MROH1: variants seen among roughly 807,000 people sequenced by gnomAD.
The protein encoded by MROH1 is maestro heat-like repeat-containing protein family member 1.
Under a neutral mutation model 116.5 loss-of-function variants are expected in MROH1, and 117 were observed. The ratio of observed to expected loss-of-function variants is 1.00; its 90% confidence interval spans 0.86 to 1.17. The LOEUF (loss-of-function observed/expected upper bound fraction) is 1.17. Ranked by LOEUF, MROH1 falls within the 50% of genes most tolerant of loss-of-function variation. The pLI is 0.00. For missense variants in MROH1, 1,873 were observed against 1,338.5 expected (o/e 1.40, Z -6.23); for synonymous variants, 921 against 583.9 (o/e 1.58, Z -8.32).
In MROH1 at chr8:144,244,277, C is replaced by T. The variant is rs1342547280; in HGVS notation, c.2611C>T (p.Leu871=). Residue 871 remains leucine (L), a synonymous_variant, in exon 27 of 44, where the codon CTG becomes TTG. Coordinates refer to ENST00000326134, the MANE Select transcript of MROH1 (RefSeq NM_032450.3). ...CCGGGCGGATGTGATCCATGGCTGC[C>T]TGCACAGCATCATGGCCCTGCTGCC... ...QARADVIHGC[L]HSIMALLPEP... is the part of the protein sequence containing the mutation. The T allele has an allele frequency of 8.3e-6, 6 of 718,966 alleles. No individual in the cohort carries two copies. The African/African-American group carries it at 1.0e-4, about 13-fold the overall frequency. The allele number at this position is 718,966 out of a possible 1,614,324, so 44.5% of individuals were successfully genotyped here.
intron 35 of MROH1, among the ~76,000 whole-genome samples, chr8:144,258,426 T>C (rs1416459192): frequency 6.6e-6 from 1 of 151,868 alleles, no homozygotes; most frequent in East Asian, 1.9e-4. Flanking sequence ...AGGCCCGGGG[T>C]GGGGGGCACC....
At chr8:144,218,382 C>G (rs1020529431) in intron 12 of MROH1, among the ~76,000 whole-genome samples, 2 of 152,034 alleles carry the variant, frequency 1.3e-5, no homozygotes, top group African/African-American at 4.8e-5. Flanking sequence ...GGTTTTGCAC[C>G]GGACTCCTGC....
chr8:144,213,450 A>C (rs939921592), intron 12 of MROH1: 17 of 213,134 alleles, frequency 8.0e-5, no homozygotes, highest in African/African-American at 3.7e-4. Context: ...AAAACAAATA[A>C]ACAGGATGCC....
At position 144,236,896 on chromosome 8, in the gene MROH1, C is replaced by CTTT. The variant is rs1164804321; in HGVS notation, c.1339-1835_1339-1833dup. ...TGTTGTGACAGAGCCTCTCCTATTC[C>CTTT]TTTTTTTTTTTTTTTTTTTTTTTTT... On this transcript the variant is annotated intron_variant, in intron 14 of 43. Transcript: ENST00000326134. 4.9e-4 allele frequency among the ~76,000 whole-genome samples: 34 copies of CTTT among 69,320 alleles called. 8 individuals are homozygous for CTTT. The highest frequency in any genetic ancestry group is 1.7e-3 in the African/African-American group (29 of 16,926). The allele number at this position is 69,320 out of a possible 152,430, so 45.5% of individuals were successfully genotyped here.
chr8:144,219,292 G>A (rs1165455016), intron 12 of MROH1, among the ~76,000 whole-genome samples: 2 of 152,112 alleles, frequency 1.3e-5, no homozygotes, highest in East Asian at 3.9e-4. Context: ...AGAGTGCTGG[G>A]ATTACAGGCG....
At chr8:144,261,540 C>T in intron 43 of MROH1, 115 bp from the exon 44 acceptor site, 1 of 689,986 alleles carries the variant, frequency 1.4e-6, no homozygotes, top group Non-Finnish European at 2.6e-6. Flanking sequence ...GAAAAACGAT[C>T]TTTCCGTTGG....
chr8:144,218,942 C>G (rs988128676), intron 12 of MROH1, among the ~76,000 whole-genome samples: 3 of 129,852 alleles, frequency 2.3e-5, no homozygotes, highest in African/African-American at 6.0e-5. Context: ...TCAAGCGATT[C>G]TTGTGCCTCG....
intron 28 of MROH1, 67 bp downstream of exon 28, chr8:144,244,606 G>A (rs985393557): frequency 5.7e-5 from 41 of 715,908 alleles, no homozygotes; most frequent in African/African-American, 4.9e-4. Context: ...CTGGCTGCTG[G>A]CCCTCTCTCC....
chr8:144,181,795 GC>G (rs1825785956), intron 7 of MROH1, among the ~76,000 whole-genome samples: 1 of 152,112 alleles, frequency 6.6e-6, no homozygotes, highest in South Asian at 2.1e-4. Flanking sequence ...ACAGAACGGG[GC>G]CGCTGGGGCG....
Position 144,197,224 on chromosome 8 carries a change from C to T in MROH1, c.949-1898C>T, listed in dbSNP as rs942296853. Reference sequence around the variant, plus strand: ...ACCCATTCATGCGGTCTGCCTGGGCCGTGCCATCTGAAGGCTCTACTGGGG... The same window carrying T: ...ACCCATTCATGCGGTCTGCCTGGGCTGTGCCATCTGAAGGCTCTACTGGGG... On this transcript the variant is annotated intron_variant, in intron 10 of 43. Transcript: ENST00000326134. 3.9e-5 allele frequency among the ~76,000 whole-genome samples: 6 copies of T among 152,180 alleles called. No individual in the cohort carries two copies. The South Asian group carries it at 6.2e-4, about 16-fold the overall frequency.
intron 1 of MROH1, among the ~76,000 whole-genome samples, chr8:144,153,520 C>T (rs1245579525): frequency 1.3e-5 from 2 of 152,094 alleles, no homozygotes; most frequent in African/African-American, 4.8e-5. Flanking sequence ...CTGAATAATA[C>T]TCCATTGTGA....
Position 144,180,004 on chromosome 8 carries a change from G to A in MROH1, c.301-174G>A, listed in dbSNP as rs373122865. On this transcript the variant is annotated intron_variant, in intron 5 of 43. Coordinates refer to ENST00000326134, the MANE Select transcript of MROH1 (RefSeq NM_032450.3). The surrounding 1 kb of genome is among the most constrained non-coding windows in gnomAD (Gnocchi z 7.4). ...CTCACCAGGGCTCTGCTGCTCCTGC[G>A]TGTGGGGTCTCCTCAGCAGCCCCTC... 3.3e-3 allele frequency among the ~76,000 whole-genome samples: 108 copies of A among 33,086 alleles called. No individual in the cohort carries two copies. Among genetic ancestry groups the A allele is most frequent in the African/African-American group, 5.2e-3 (100 of 19,388 alleles). 21.7% of individuals were successfully genotyped at this position (33,086 alleles called of 152,430 possible). A position where few individuals can be genotyped will look rare whatever the true frequency, so the allele number is the denominator to read the frequency against.
intron 29 of MROH1, among the ~76,000 whole-genome samples, chr8:144,246,764 G>C (rs1015745513): frequency 8.5e-5 from 13 of 152,222 alleles, no homozygotes; most frequent in Non-Finnish European, 1.6e-4. Flanking sequence ...CAGGTGGTGG[G>C]AGGGGGACAG....
At chr8:144,219,416 C>A (rs1199032089) in intron 12 of MROH1, among the ~76,000 whole-genome samples, 1 of 152,128 alleles carries the variant, frequency 6.6e-6, no homozygotes, top group Non-Finnish European at 1.5e-5. Context: ...CCTTGGCCTC[C>A]CAAAGTGCTG....
At chr8:144,159,196 A>G (rs1343626120) in intron 1 of MROH1, among the ~76,000 whole-genome samples, 2 of 152,142 alleles carry the variant, frequency 1.3e-5, no homozygotes, top group Admixed American at 6.6e-5. Flanking sequence ...CATCTCTACT[A>G]AAAATACAAA....
intron 12 of MROH1, among the ~76,000 whole-genome samples, chr8:144,206,804 A>C (rs1034232064): frequency 6.6e-6 from 1 of 150,772 alleles, no homozygotes; most frequent in Non-Finnish European, 1.5e-5. Flanking sequence ...AGGCCGAGGC[A>C]GGTGGATCAC....
chr8:144,209,277 A>C (rs1833561593), intron 12 of MROH1, among the ~76,000 whole-genome samples: 4 of 151,966 alleles, frequency 2.6e-5, no homozygotes, highest in African/African-American at 9.7e-5. Context: ...GTTCATCCCC[A>C]TTGAAAAATC....
intron 4 of MROH1, among the ~76,000 whole-genome samples, chr8:144,176,400 G>C (rs1338063529): frequency 6.6e-6 from 1 of 151,606 alleles, no homozygotes; most frequent in African/African-American, 2.4e-5. Flanking sequence ...GCTGAGTGTG[G>C]TGGTGTGTGC....
chr8:144,148,630 C>T (rs940809234), intron 1 of MROH1: 1 of 152,830 alleles, frequency 6.5e-6, no homozygotes, highest in Admixed American at 6.5e-5. Flanking sequence ...GGTGATTTGT[C>T]CCTAGTCACG....
Sources: allele counts gnomAD v4.1 joint callset (sites outside exome capture counted in the v4.1 genomes callset), GRCh38; gene constraint gnomAD v4.1.1; non-coding constraint Gnocchi (gnomAD v3.1); transcripts MANE v1.5; gene names NCBI Gene and HGNC (gene_info 2026-07-23, HGNC 2026-07-21).